Variants in FGD3 observed in about 807,000 individuals in gnomAD.
FGD3 encodes the protein FYVE, RhoGEF and PH domain containing 3.
A neutral mutation model predicts 71.8 loss-of-function variants in FGD3; 45 were observed. The observed-to-expected ratio is 0.63, with a 90% CI of 0.49 to 0.80. The LOEUF is 0.80. Ranked by LOEUF, FGD3 falls within the 30% of genes least tolerant of loss-of-function variation. The pLI is 0.00. For missense variants in FGD3, 844 were observed against 951.5 expected, an observed-to-expected ratio of 0.89 and a Z score of 1.49; for synonymous variants, 378 against 392.8, an observed-to-expected ratio of 0.96 and a Z score of 0.44.
intron 1 of FGD3, among the ~76,000 whole-genome samples, chr9:92,962,773 C>T (rs2118521663): frequency 1.3e-5 from 2 of 152,076 alleles, no homozygotes; most frequent in Middle Eastern, 3.4e-3. Flanking sequence ...AACCCAGTCT[C>T]TATTAAAAAT....
At chr9:93,032,503 T>C in intron 15 of FGD3, 1 of 428,674 alleles carries the variant, frequency 2.3e-6, no homozygotes, top group Non-Finnish European at 4.3e-6. Flanking sequence ...CTCTTCACAC[T>C]CTTCCTCCCA....
chr9:93,019,486 G>A (rs1861829765), intron 11 of FGD3, among the ~76,000 whole-genome samples: 1 of 152,182 alleles, frequency 6.6e-6, no homozygotes, highest in Non-Finnish European at 1.5e-5. Context: ...TTGAAATGTT[G>A]GTGGCTGTTG....
At chr9:93,014,452 G>T (rs1861580555) in intron 9 of FGD3, among the ~76,000 whole-genome samples, 1 of 151,842 alleles carries the variant, frequency 6.6e-6, no homozygotes, top group East Asian at 1.9e-4. Context: ...AAACAGATGT[G>T]GTTCTTCTTT....
At chr9:93,016,293 G>A (rs991842400) in intron 10 of FGD3, among the ~76,000 whole-genome samples, 3 of 151,960 alleles carry the variant, frequency 2.0e-5, no homozygotes, top group East Asian at 1.9e-4. Flanking sequence ...GAGCCGGGGG[G>A]AGGGTTCCAG....
chr9:92,971,813 A>ACAGTTG (rs1249437054), intron 1 of FGD3, among the ~76,000 whole-genome samples: 1 of 151,856 alleles, frequency 6.6e-6, no homozygotes, highest in African/African-American at 2.4e-5. Flanking sequence ...TTTAAAGTGT[A>ACAGTTG]CAGTTGGATA....
At chr9:93,019,744 C>G in intron 11 of FGD3, 87 bp from the exon 12 acceptor site, 1 of 1,279,664 alleles carries the variant, frequency 7.8e-7, no homozygotes, top group South Asian at 1.2e-5. Flanking sequence ...GTGCGTGGCT[C>G]GGGTGTGCTG....
chr9:93,021,656 A>C (rs1009361643), intron 13 of FGD3, among the ~76,000 whole-genome samples: 4 of 151,548 alleles, frequency 2.6e-5, no homozygotes, highest in African/African-American at 9.7e-5. Flanking sequence ...CCTGACCCAG[A>C]CCCCGCAGGC....
chr9:93,025,889 G>A (rs77076957), intron 14 of FGD3, among the ~76,000 whole-genome samples: 6,989 of 152,286 alleles, frequency 0.046, 244 homozygotes, highest in South Asian at 0.14. Context: ...CTCCTGGGAC[G>A]AGGCCACGCC....
At chr9:93,012,644 G>A (rs1861460367) in intron 8 of FGD3, among the ~76,000 whole-genome samples, 1 of 149,942 alleles carries the variant, frequency 6.7e-6, no homozygotes, top group Non-Finnish European at 1.5e-5. Flanking sequence ...AATTAGCCAG[G>A]TGTGGTGGCT....
chr9:92,958,589 T>C (rs1016101739), intron 1 of FGD3, among the ~76,000 whole-genome samples: 1 of 152,170 alleles, frequency 6.6e-6, no homozygotes, highest in African/African-American at 2.4e-5. Context: ...GTTTATAAAG[T>C]TTTTTTTGTG....
intron 14 of FGD3, among the ~76,000 whole-genome samples, chr9:93,029,457 G>A (rs77013866): frequency 0.011 from 1,710 of 152,302 alleles, 37 homozygotes; most frequent in African/African-American, 0.039. Context: ...TAGAGCAGGC[G>A]CATGGCCACA....
chr9:93,020,771 T>G (rs966627087), intron 13 of FGD3, among the ~76,000 whole-genome samples: 13 of 152,118 alleles, frequency 8.5e-5, no homozygotes, highest in African/African-American at 3.1e-4. Context: ...TTGGTTACAG[T>G]TCCGCGTTTG....
chr9:92,955,263 G>A (rs1202300274), intron 1 of FGD3, among the ~76,000 whole-genome samples: 2 of 152,092 alleles, frequency 1.3e-5, no homozygotes, highest in African/African-American at 4.8e-5. Flanking sequence ...GGCCAGGCAC[G>A]GTGGCTCACA....
At chr9:92,954,448 G>A (rs1285461150) in intron 1 of FGD3, among the ~76,000 whole-genome samples, 1 of 152,344 alleles carries the variant, frequency 6.6e-6, no homozygotes, top group Admixed American at 6.5e-5. Context: ...CCCAAAAGCA[G>A]GCAGGTGATT....
intron 3 of FGD3, among the ~76,000 whole-genome samples, chr9:92,977,607 C>T (rs758688579): frequency 1.4e-4 from 22 of 152,106 alleles, no homozygotes; most frequent in Non-Finnish European, 2.6e-4. Flanking sequence ...GCTTTATTAT[C>T]ACTCAGGTGT....
intron 14 of FGD3, among the ~76,000 whole-genome samples, chr9:93,026,311 G>A (rs1384710795): frequency 1.3e-5 from 2 of 152,138 alleles, no homozygotes; most frequent in Admixed American, 6.6e-5. Flanking sequence ...CTGATATCCC[G>A]ACATCCACAA....
At chr9:93,021,298 T>A (rs1861908483) in intron 13 of FGD3, among the ~76,000 whole-genome samples, 1 of 152,154 alleles carries the variant, frequency 6.6e-6, no homozygotes, top group South Asian at 2.1e-4. Context: ...GGATTTCACA[T>A]GGAGACTTAG....
chr9:92,993,996 G>T (rs1268069278), intron 3 of FGD3, among the ~76,000 whole-genome samples: 5 of 152,180 alleles, frequency 3.3e-5, no homozygotes, highest in Non-Finnish European at 5.9e-5. Flanking sequence ...TGGGATGGCT[G>T]GGTCAAATAA....
In FGD3 at chr9:93,004,039, A is replaced by T. The variant is rs767605391; in HGVS notation, c.582A>T (p.Pro194=). The T allele has an allele frequency of 2.5e-6, 4 of 1,614,086 alleles. No homozygotes were observed. The East Asian group carries it at 8.9e-5, about 36-fold the overall frequency. ...CTRLTDAGIP[P]EVIMGIFSNI... is the part of the protein sequence containing the mutation. Reference sequence around the variant, plus strand: ...GGCTGACGGATGCGGGGATCCCTCCAGAAGTCATCATGGGCATATTCTCTA... The same window carrying T: ...GGCTGACGGATGCGGGGATCCCTCCTGAAGTCATCATGGGCATATTCTCTA... Residue 194 remains proline (P), a synonymous_variant, in exon 5 of 18, where the codon CCA becomes CCT. Coordinates refer to ENST00000375482, the MANE Select transcript of FGD3 (RefSeq NM_001083536.2).
Sources: allele counts gnomAD v4.1 joint callset (sites outside exome capture counted in the v4.1 genomes callset), GRCh38; gene constraint gnomAD v4.1.1; transcripts MANE v1.5; gene names NCBI Gene and HGNC (gene_info 2026-07-23, HGNC 2026-07-21).